Variants in TAB2 observed in about 807,000 individuals in gnomAD.
TAB2 encodes TGF-beta-activated kinase 1 and MAP3K7-binding protein 2.
TAB2 carries 3 observed loss-of-function variants against 65.0 expected under a neutral mutation model. That is an observed-to-expected ratio of 0.05 (90% confidence interval 0.02 to 0.12). The LOEUF is 0.12. Ranked by LOEUF, TAB2 falls within the 10% of genes least tolerant of loss-of-function variation. The probability of loss-of-function intolerance (pLI) is 1.00; values close to 1 mark genes in which losing one functional copy is unlikely to be tolerated. For synonymous variants in TAB2, 298 were observed against 285.1 expected (o/e 1.05, Z -0.46); for missense variants, 623 against 840.3 (o/e 0.74, Z 3.20).
At chr6:149,395,743 T>C (rs1438575476) in intron 3 of TAB2, among the ~76,000 whole-genome samples, 2 of 152,130 alleles carry the variant, frequency 1.3e-5, no homozygotes, top group African/African-American at 4.8e-5. Flanking sequence ...TTCCATTCTT[T>C]TGTGTTTAAT....
intron 3 of TAB2, among the ~76,000 whole-genome samples, chr6:149,387,496 C>G (rs1294781735): frequency 6.6e-6 from 1 of 152,102 alleles, no homozygotes; most frequent in Non-Finnish European, 1.5e-5. Context: ...ACCATATGGT[C>G]TTAATTACTG....
chr6:149,388,829 C>T (rs1781885226), intron 3 of TAB2, among the ~76,000 whole-genome samples: 1 of 151,818 alleles, frequency 6.6e-6, no homozygotes. Flanking sequence ...ATTTTTCTGC[C>T]TTATAAATTT....
At chr6:149,265,503 T>C (rs1562393358) in intron 1 of TAB2, among the ~76,000 whole-genome samples, 1 of 152,126 alleles carries the variant, frequency 6.6e-6, no homozygotes, top group Non-Finnish European at 1.5e-5. Flanking sequence ...CGCTTTCCTC[T>C]TCTGTGGTTT....
chr6:149,254,084 AGGAAG>A (rs1777945504), intron 1 of TAB2, among the ~76,000 whole-genome samples: 1 of 112,728 alleles, frequency 8.9e-6, no homozygotes, highest in Non-Finnish European at 2.0e-5. Flanking sequence ...GAAGGAAGGA[AGGAAG>A]GAAGGAAGGA....
chr6:149,385,730 C>A (rs1043045430), intron 3 of TAB2, among the ~76,000 whole-genome samples: 2 of 152,138 alleles, frequency 1.3e-5, no homozygotes, highest in African/African-American at 4.8e-5. Context: ...TAAATCCTTT[C>A]TGTACTTTAA....
At chr6:149,349,764 T>A (rs1261280347) in intron 1 of TAB2, among the ~76,000 whole-genome samples, 2 of 152,196 alleles carry the variant, frequency 1.3e-5, no homozygotes, top group Non-Finnish European at 2.9e-5. Context: ...GGGAGATAGA[T>A]AACCACTTTT....
intron 1 of TAB2, among the ~76,000 whole-genome samples, chr6:149,267,260 A>G (rs932820434): frequency 6.6e-6 from 1 of 152,094 alleles, no homozygotes; most frequent in African/African-American, 2.4e-5. Flanking sequence ...TCTGCAAGGC[A>G]AACAGGAAAC....
intron 3 of TAB2, among the ~76,000 whole-genome samples, chr6:149,385,134 T>G (rs1030507822): frequency 6.6e-6 from 1 of 152,212 alleles, no homozygotes; most frequent in Non-Finnish European, 1.5e-5. Flanking sequence ...GACTTTGTGT[T>G]TCTCATTCCT....
chr6:149,363,681 A>G (rs1013027126), intron 1 of TAB2, among the ~76,000 whole-genome samples: 3 of 152,168 alleles, frequency 2.0e-5, no homozygotes, highest in African/African-American at 7.2e-5. Context: ...AACTAATGAT[A>G]TATTTAAATT....
Position 149,275,232 on chromosome 6 carries a change from GAGAGAAAGAA to G in TAB2, c.-121+56460_-121+56469del, listed in dbSNP as rs771595210. Among the ~76,000 whole-genome samples, 233 of 123,776 alleles carry G rather than the reference GAGAGAAAGAA, an allele frequency of 1.9e-3. 2 individuals are homozygous for G. The highest frequency in any genetic ancestry group is 6.8e-3 in the African/African-American group (217 of 31,856). 81.2% of individuals were successfully genotyped at this position (123,776 alleles called of 152,430 possible). A position where few individuals can be genotyped will look rare whatever the true frequency, so the allele number is the denominator to read the frequency against. Reference sequence around the variant, plus strand: ...CCTTGGGCGGGGGAGGGGGGAGAGAGAGAGAAAGAAAGAAAGAAAGAAAGAAAGAAAGAAA... The same window carrying G: ...CCTTGGGCGGGGGAGGGGGGAGAGAGAGAAAGAAAGAAAGAAAGAAAGAAA... On this transcript the variant is annotated intron_variant, in intron 1 of 1. Transcript: ENST00000606202.
intron 1 of TAB2, among the ~76,000 whole-genome samples, chr6:149,296,460 C>T (rs1778878299): frequency 6.6e-6 from 1 of 152,162 alleles, no homozygotes; most frequent in African/African-American, 2.4e-5. Flanking sequence ...TCTCATTTTC[C>T]TTCCATGTTT....
chr6:149,380,188 C>T (rs1260539788), intron 3 of TAB2: 3 of 224,288 alleles, frequency 1.3e-5, no homozygotes, highest in Non-Finnish European at 2.7e-5. Context: ...TTAGAGTGAA[C>T]TGTGACCATA....
At position 149,391,551 on chromosome 6, in the gene TAB2, A is replaced by ACGGGGG. The variant is rs1554264126; in HGVS notation, c.1604-6052_1604-6051insGGGGGC. Among the ~76,000 whole-genome samples, 51 of 151,980 alleles carry ACGGGGG rather than the reference A, an allele frequency of 3.4e-4. 1 individual carries two copies. Among genetic ancestry groups the ACGGGGG allele is most frequent in the African/African-American group, 1.2e-3 (48 of 41,426 alleles). On this transcript the variant is annotated intron_variant, in intron 3 of 6. Transcript: ENST00000637181. ...TTTGTCTTTCTTGGGGGTATCAGGG[A>ACGGGGG]CAGGGGCAGGGGCAGGGTGTCACGG...
At chr6:149,265,286 C>T (rs567134446) in intron 1 of TAB2, among the ~76,000 whole-genome samples, 49 of 151,824 alleles carry the variant, frequency 3.2e-4, no homozygotes, top group African/African-American at 1.1e-3. Context: ...TCCAGCTTTG[C>T]CAGCATTCTG....
chr6:149,403,837 T>C (rs1364694218), intron 6 of TAB2, among the ~76,000 whole-genome samples: 3 of 152,002 alleles, frequency 2.0e-5, no homozygotes, highest in South Asian at 4.1e-4. Context: ...ATCTCACTCA[T>C]TATTGAGAAA....
intron 1 of TAB2, among the ~76,000 whole-genome samples, chr6:149,257,925 G>T (rs894404125): frequency 1.3e-5 from 2 of 152,168 alleles, no homozygotes; most frequent in African/African-American, 4.8e-5. Context: ...AAAAATGCTA[G>T]ACAGAGAGAA....
Position 149,312,352 on chromosome 6 carries a change from T to C in TAB2, c.-120-65666T>C, listed in dbSNP as rs1174646614. On this transcript the variant is annotated intron_variant, in intron 1 of 1. Transcript: ENST00000606202. ...TGATATCTCCTTTCCATGTGCTTTTTTTTAATTTTTTTGTATTTATTTATT... is the reference window on the plus strand; with the variant it reads ...TGATATCTCCTTTCCATGTGCTTTTCTTTAATTTTTTTGTATTTATTTATT... Among the ~76,000 whole-genome samples the C allele has an allele frequency of 3.9e-5, 6 of 152,284 alleles. No individual in the cohort carries two copies. In the East Asian group the frequency reaches 7.7e-4, roughly 20 times the overall value.
intron 1 of TAB2, among the ~76,000 whole-genome samples, chr6:149,223,481 A>T (rs567953819): frequency 3.9e-5 from 6 of 152,270 alleles, no homozygotes; most frequent in Admixed American, 1.3e-4. Flanking sequence ...TTGTCTTGCT[A>T]TTTTGTAGAG....
At chr6:149,384,557 TTATAGATATGAAGAA>T (rs1781725119) in intron 3 of TAB2, among the ~76,000 whole-genome samples, 1 of 152,160 alleles carries the variant, frequency 6.6e-6, no homozygotes, top group Non-Finnish European at 1.5e-5. Flanking sequence ...AGTTTAAAGT[TTATAGATATGAAGAA>T]AATTCTTATT....
Sources: allele counts gnomAD v4.1 joint callset (sites outside exome capture counted in the v4.1 genomes callset), GRCh38; gene constraint gnomAD v4.1.1; transcripts MANE v1.5; gene names NCBI Gene and HGNC (gene_info 2026-07-23, HGNC 2026-07-21).